CBFA2T3: variants seen among roughly 807,000 people sequenced by gnomAD.
CBFA2T3 encodes transcriptional corepressor CBFA2T3.
A neutral mutation model predicts 58.6 loss-of-function variants in CBFA2T3; 31 were observed. The observed-to-expected ratio is 0.53, with a 90% CI of 0.40 to 0.71. The LOEUF (loss-of-function observed/expected upper bound fraction) is 0.71, where lower values mean the gene tolerates loss of function less well. Among genes scored for constraint, CBFA2T3 ranks in the 30% least tolerant of loss-of-function variants. CBFA2T3 has a pLI of 0.00. For missense variants in CBFA2T3, 1,076 were observed against 963.1 expected (o/e 1.12, Z -1.55); for synonymous variants, 531 against 421.9 (o/e 1.26, Z -3.17).
chr16:88,894,575 CACATGCATACAT>C (rs1567587773), intron 3 of CBFA2T3, among the ~76,000 whole-genome samples: 1 of 149,768 alleles, frequency 6.7e-6, no homozygotes, highest in African/African-American at 2.5e-5. Context: ...CATGCACACA[CACATGCATACAT>C]ATACACATGC....
At chr16:88,956,798 G>T (rs1036874291) in intron 1 of CBFA2T3, among the ~76,000 whole-genome samples, 2 of 152,204 alleles carry the variant, frequency 1.3e-5, no homozygotes, top group African/African-American at 4.8e-5. Context: ...GAACTGGACC[G>T]CATGGCCCTT....
intron 1 of CBFA2T3, among the ~76,000 whole-genome samples, chr16:88,974,748 G>C (rs1972751929): frequency 6.6e-6 from 1 of 152,136 alleles, no homozygotes; most frequent in Non-Finnish European, 1.5e-5. Flanking sequence ...GGTCTGTCCA[G>C]GACCCCCCGC....
rs1969070932 is a variant in CBFA2T3 at position 88,881,385 on chromosome 16, C to G, written c.1308G>C (p.Arg436=). 3 of 1,598,108 alleles carry G rather than the reference C, an allele frequency of 1.9e-6. No homozygotes were observed. The highest frequency in any genetic ancestry group is 2.7e-5 in the African/African-American group (2 of 74,774). ...TTGTGTCCTCGGCGTCGCTGTAGCG[C>G]CGCGCCCAGTGGTTGAGCTCCTCGC... is the stretch of plus-strand genomic sequence containing the variant. ...ADREELNHWA[R]RYSDAEDTKK... Residue 436 remains arginine (R), a synonymous_variant, in exon 9 of 12, where the codon CGG becomes CGC. Transcript: ENST00000268679.
chr16:88,907,740 T>C (rs866794952), intron 1 of CBFA2T3, among the ~76,000 whole-genome samples: 10 of 152,290 alleles, frequency 6.6e-5, no homozygotes, highest in South Asian at 4.1e-4. Context: ...CAAGTGTCCT[T>C]CTCACTCCCC....
chr16:88,959,812 G>A (rs1972316117), intron 1 of CBFA2T3, among the ~76,000 whole-genome samples: 2 of 152,154 alleles, frequency 1.3e-5, no homozygotes, highest in East Asian at 1.9e-4. Context: ...GATCACCCGA[G>A]GTCAGGAGTT....
At chr16:88,973,492 A>G (rs183878842) in intron 1 of CBFA2T3, among the ~76,000 whole-genome samples, 1 of 152,288 alleles carries the variant, frequency 6.6e-6, no homozygotes, top group East Asian at 1.9e-4. Context: ...CTTGCAGCCC[A>G]TCCTTACTGC....
chr16:88,910,775 T>C (rs1237519603), intron 1 of CBFA2T3, among the ~76,000 whole-genome samples: 6 of 152,152 alleles, frequency 3.9e-5, no homozygotes, highest in African/African-American at 7.2e-5. Context: ...CAGGCCAAGA[T>C]AGAGGCAAAG....
intron 1 of CBFA2T3, among the ~76,000 whole-genome samples, chr16:88,974,282 C>G (rs979663403): frequency 5.3e-5 from 8 of 152,198 alleles, no homozygotes; most frequent in Non-Finnish European, 1.0e-4. Context: ...CCTCGTAAAC[C>G]CAGCACCGCA....
intron 1 of CBFA2T3, among the ~76,000 whole-genome samples, chr16:88,976,052 G>A (rs1249234030): frequency 6.6e-6 from 1 of 152,210 alleles, no homozygotes; most frequent in Non-Finnish European, 1.5e-5. Flanking sequence ...TCGGGTGGGG[G>A]GTATCAGCAA....
intron 3 of CBFA2T3, among the ~76,000 whole-genome samples, chr16:88,893,880 C>A (rs1969754050): frequency 6.6e-6 from 1 of 152,192 alleles, no homozygotes; most frequent in Non-Finnish European, 1.5e-5. Flanking sequence ...GCCTCAGGAG[C>A]CTGAGGGGCG....
intron 1 of CBFA2T3, among the ~76,000 whole-genome samples, chr16:88,957,197 C>T (rs536088536): frequency 9.2e-5 from 14 of 152,370 alleles, no homozygotes; most frequent in Admixed American, 3.9e-4. Context: ...ACCCACTCCC[C>T]GGCATCTTCC....
At chr16:88,931,155 G>C (rs1231658315) in intron 1 of CBFA2T3, among the ~76,000 whole-genome samples, 1 of 152,080 alleles carries the variant, frequency 6.6e-6, no homozygotes, top group East Asian at 1.9e-4. Flanking sequence ...TCTTCCCTGA[G>C]TTTGGGCACC....
chr16:88,963,696 G>T (rs902822296), intron 1 of CBFA2T3, among the ~76,000 whole-genome samples: 1 of 152,216 alleles, frequency 6.6e-6, no homozygotes, highest in Non-Finnish European at 1.5e-5. Flanking sequence ...GCTGCAGTGC[G>T]CATCAGGAAT....
chr16:88,935,940 C>T (rs977233586), intron 1 of CBFA2T3, among the ~76,000 whole-genome samples: 1 of 151,408 alleles, frequency 6.6e-6, no homozygotes, highest in African/African-American at 2.4e-5. Context: ...GGAGGGGAGT[C>T]GAATCCAGGT....
chr16:88,970,186 GGCGGTGGCGGCGGCCCCAA>G (rs1972613600), intron 1 of CBFA2T3, among the ~76,000 whole-genome samples: 1 of 151,908 alleles, frequency 6.6e-6, no homozygotes, highest in African/African-American at 2.4e-5. Context: ...CACTCCAGGA[GGCGGTGGCGGCGGCCCCAA>G]GCCGGCAGCC....
intron 1 of CBFA2T3, among the ~76,000 whole-genome samples, chr16:88,908,822 T>C (rs1284832085): frequency 2.0e-5 from 3 of 152,228 alleles, no homozygotes; most frequent in Non-Finnish European, 2.9e-5. Flanking sequence ...CTTGAGGCCT[T>C]TGCACAGGCA....
At chr16:88,907,575 C>A (rs1032223666) in intron 1 of CBFA2T3, among the ~76,000 whole-genome samples, 1 of 152,246 alleles carries the variant, frequency 6.6e-6, no homozygotes, top group Non-Finnish European at 1.5e-5. Flanking sequence ...GAAACAGAGG[C>A]ACAGAGAGGC....
intron 1 of CBFA2T3, among the ~76,000 whole-genome samples, chr16:88,942,015 C>T (rs1023855609): frequency 9.2e-5 from 14 of 151,938 alleles, no homozygotes; most frequent in African/African-American, 2.9e-4. Flanking sequence ...CCCGCTCAGC[C>T]TCCCGGGCGG....
At chr16:88,961,948 A>T (rs1972371757) in intron 1 of CBFA2T3, among the ~76,000 whole-genome samples, 1 of 148,674 alleles carries the variant, frequency 6.7e-6, no homozygotes, top group Non-Finnish European at 1.5e-5. Flanking sequence ...ACCGACACTC[A>T]GCGCTGGGCA....
Sources: gnomAD v4.1 joint callset for allele counts (sites outside exome capture counted in the v4.1 genomes callset) on GRCh38, gnomAD v4.1.1 for gene constraint, MANE v1.5 for transcripts, NCBI Gene and HGNC (gene_info 2026-07-23, HGNC 2026-07-21) for gene names.